Variants in PTPRD observed in about 807,000 individuals in gnomAD.
PTPRD encodes receptor-type tyrosine-protein phosphatase delta.
A neutral mutation model predicts 214.5 loss-of-function variants in PTPRD; 34 were observed. The observed-to-expected ratio is 0.16, with a 90% confidence interval of 0.12 to 0.21. The LOEUF is 0.21. Ranked by LOEUF, PTPRD falls within the 10% of genes least tolerant of loss-of-function variation. The probability of loss-of-function intolerance (pLI) is 1.00; values close to 1 mark genes in which losing one functional copy is unlikely to be tolerated. For missense variants in PTPRD, 2,545 were observed against 2,398.7 expected (o/e 1.06, Z -1.27); for synonymous variants, 1,128 against 845.7 (o/e 1.33, Z -5.79).
At chr9:8,806,248 G>A (rs2096677567) in intron 11 of PTPRD, among the ~76,000 whole-genome samples, 1 of 144,286 alleles carries the variant, frequency 6.9e-6, no homozygotes, top group Non-Finnish European at 1.5e-5. Context: ...TTTTTTTGGT[G>A]GGGCGGGGGG....
At chr9:9,659,846 C>T (rs2096589257) in intron 7 of PTPRD, among the ~76,000 whole-genome samples, 1 of 151,950 alleles carries the variant, frequency 6.6e-6, no homozygotes, top group African/African-American at 2.4e-5. Context: ...ATAAACAGAA[C>T]AGGAATAACC....
At chr9:9,062,995 G>A (rs2099710436) in intron 10 of PTPRD, among the ~76,000 whole-genome samples, 1 of 152,186 alleles carries the variant, frequency 6.6e-6, no homozygotes, top group Admixed American at 6.5e-5. Context: ...ACAGTGGGTA[G>A]GGGCTAAACA....
At chr9:10,603,146 C>A (rs1193274874) in intron 2 of PTPRD, among the ~76,000 whole-genome samples, 1 of 151,802 alleles carries the variant, frequency 6.6e-6, no homozygotes, top group Non-Finnish European at 1.5e-5. Context: ...GGAAAAGGGA[C>A]CCGAGCTTGA....
chr9:9,827,143 T>C (rs943578569), intron 5 of PTPRD, among the ~76,000 whole-genome samples: 3 of 152,000 alleles, frequency 2.0e-5, no homozygotes, highest in African/African-American at 7.2e-5. Context: ...CTTCACAGAA[T>C]TGGAAAAAAC....
At chr9:9,609,657 T>A (rs2154343760) in intron 7 of PTPRD, among the ~76,000 whole-genome samples, 1 of 152,268 alleles carries the variant, frequency 6.6e-6, no homozygotes, top group African/African-American at 2.4e-5. Flanking sequence ...GAGATGGGGT[T>A]TCCCCATGTT....
In PTPRD at chr9:10,060,780, CTT is replaced by C. The variant is rs1395037588; in HGVS notation, c.-544-26992_-544-26991del. ...CATACCAATCACAGGTCTTGCTTTT[CTT>C]TCTTTCTTTCTTTCTTTCTTCCTTT... On this transcript the variant is annotated intron_variant, in intron 3 of 45. Coordinates refer to ENST00000381196, the MANE Select transcript of PTPRD (RefSeq NM_002839.4). Among the ~76,000 whole-genome samples the C allele has an allele frequency of 9.7e-4, 121 of 125,282 alleles. 7 individuals carry two copies. Among genetic ancestry groups the C allele is most frequent in the African/African-American group, 5.9e-3 (114 of 19,370 alleles). The allele number at this position is 125,282 out of a possible 152,430, so 82.2% of individuals were successfully genotyped here.
At chr9:8,926,571 C>G (rs1487969711) in intron 11 of PTPRD, among the ~76,000 whole-genome samples, 1 of 152,064 alleles carries the variant, frequency 6.6e-6, no homozygotes, top group African/African-American at 2.4e-5. Flanking sequence ...GTGCCTTGTT[C>G]ACTGAATGGT....
intron 7 of PTPRD, among the ~76,000 whole-genome samples, chr9:9,733,452 A>C (rs963482283): frequency 3.3e-5 from 5 of 152,196 alleles, no homozygotes; most frequent in African/African-American, 1.2e-4. Context: ...ACAGTTTACT[A>C]TCAAATGTGG....
intron 11 of PTPRD, among the ~76,000 whole-genome samples, chr9:8,904,824 C>T (rs1267867842): frequency 6.6e-6 from 1 of 152,086 alleles, no homozygotes; most frequent in Non-Finnish European, 1.5e-5. Flanking sequence ...ACTCATAATG[C>T]ATGTTTTCAT....
chr9:9,539,890 T>G (rs1303659210), intron 8 of PTPRD, among the ~76,000 whole-genome samples: 1 of 151,836 alleles, frequency 6.6e-6, no homozygotes, highest in Non-Finnish European at 1.5e-5. Context: ...TTTCAGCCCT[T>G]TTCCAAATGT....
rs190703805 is a variant in PTPRD at position 9,766,101 on chromosome 9, T to C, written c.-326+709A>G. On this transcript the variant is annotated intron_variant, in intron 6 of 45. Coordinates refer to ENST00000381196, the MANE Select transcript of PTPRD (RefSeq NM_002839.4). ...TCCTTCACGACTGTCCTCAGGAATC[T>C]TAGTTCCCTTACTCAGTACTCACAG... Among the ~76,000 whole-genome samples, 564 of 152,362 alleles carry C rather than the reference T, an allele frequency of 3.7e-3. 7 individuals carry two copies. The highest frequency in any genetic ancestry group is 5.0e-3 in the Non-Finnish European group (337 of 68,028).
chr9:9,604,264 T>C (rs1227280479), intron 7 of PTPRD, among the ~76,000 whole-genome samples: 2 of 152,128 alleles, frequency 1.3e-5, no homozygotes, highest in Non-Finnish European at 2.9e-5. Context: ...CACATTTAAA[T>C]GTATTTCTTT....
chr9:9,445,726 C>T (rs1168735327), intron 8 of PTPRD, among the ~76,000 whole-genome samples: 2 of 152,114 alleles, frequency 1.3e-5, no homozygotes, highest in Non-Finnish European at 2.9e-5. Context: ...CCATGATTCC[C>T]TCTCCTGACA....
At chr9:8,687,063 A>T (rs933149074) in intron 12 of PTPRD, among the ~76,000 whole-genome samples, 6 of 152,244 alleles carry the variant, frequency 3.9e-5, no homozygotes, top group Non-Finnish European at 8.8e-5. Context: ...GACCTTTCAT[A>T]CCATTCCAAA....
intron 9 of PTPRD, among the ~76,000 whole-genome samples, chr9:9,224,935 A>C (rs184891338): frequency 6.6e-6 from 1 of 152,126 alleles, no homozygotes; most frequent in East Asian, 1.9e-4. Context: ...TTTTCCCCAA[A>C]AAATCAGTTT....
At chr9:9,096,685 T>C (rs1035979598) in intron 10 of PTPRD, among the ~76,000 whole-genome samples, 1 of 152,224 alleles carries the variant, frequency 6.6e-6, no homozygotes, top group African/African-American at 2.4e-5. Context: ...AGATACAGAT[T>C]AATCACAATA....
intron 3 of PTPRD, among the ~76,000 whole-genome samples, chr9:10,257,036 A>G (rs2093337284): frequency 6.6e-6 from 1 of 152,146 alleles, no homozygotes; most frequent in Non-Finnish European, 1.5e-5. Flanking sequence ...TTTGGTTAGA[A>G]TCTGTTTCCT....
At chr9:8,876,101 T>C (rs1200338713) in intron 11 of PTPRD, among the ~76,000 whole-genome samples, 1 of 152,200 alleles carries the variant, frequency 6.6e-6, no homozygotes, top group Non-Finnish European at 1.5e-5. Flanking sequence ...CATCAGTAAA[T>C]GAGCATATAA....
chr9:9,179,694 A>G (rs760996030), intron 10 of PTPRD, among the ~76,000 whole-genome samples: 1 of 152,108 alleles, frequency 6.6e-6, no homozygotes, highest in East Asian at 1.9e-4. Context: ...AACTGGCAGG[A>G]TAATGGAAAC....
Sources: allele counts gnomAD v4.1 joint callset (sites outside exome capture counted in the v4.1 genomes callset), GRCh38; gene constraint gnomAD v4.1.1; transcripts MANE v1.5; gene names NCBI Gene and HGNC (gene_info 2026-07-23, HGNC 2026-07-21).